Variants in CGNL1 observed in about 807,000 individuals in gnomAD.
CGNL1 encodes the protein cingulin like 1.
In CGNL1, 132 loss-of-function variants were observed where a neutral mutation model predicts 141.2. The ratio of observed to expected loss-of-function variants is 0.93; its 90% CI spans 0.81 to 1.08. The LOEUF is 1.08. Ranked by LOEUF, CGNL1 falls within the 50% of genes least tolerant of loss-of-function variation. The pLI is 0.00. For missense variants in CGNL1, 1,870 were observed against 1,588.6 expected (o/e 1.18, Z -3.01); for synonymous variants, 690 against 622.1 (o/e 1.11, Z -1.63).
At chr15:57,391,902 G>C (rs1020724262) in intron 1 of CGNL1, among the ~76,000 whole-genome samples, 1 of 151,898 alleles carries the variant, frequency 6.6e-6, no homozygotes, top group African/African-American at 2.4e-5. Flanking sequence ...GAACAGAAAA[G>C]ATGCAAATCA....
chr15:57,521,993 C>G (rs2031290409), intron 10 of CGNL1, among the ~76,000 whole-genome samples: 1 of 152,136 alleles, frequency 6.6e-6, no homozygotes, highest in Non-Finnish European at 1.5e-5. Flanking sequence ...CTCACTGGTT[C>G]TATAACTCCT....
At position 57,458,001 on chromosome 15, in the gene CGNL1, C is replaced by T. The variant is rs538425868; in HGVS notation, c.2191-3679C>T. Among the ~76,000 whole-genome samples, 14 of 152,294 alleles carry T rather than the reference C, an allele frequency of 9.2e-5. No individual in the cohort carries two copies. In the East Asian group the frequency reaches 2.7e-3, roughly 29 times the overall value. On this transcript the variant is annotated intron_variant, in intron 7 of 18. Coordinates refer to ENST00000281282, the MANE Select transcript of CGNL1 (RefSeq NM_032866.5). ...GGACCCATCTGGGTCCCATTCTTGA[C>T]TCTACTGCTTATAAGGCTGTGTGGT... is the stretch of plus-strand genomic sequence containing the variant.
chr15:57,383,456 GC>G (rs1251939482), intron 1 of CGNL1, among the ~76,000 whole-genome samples: 1 of 151,554 alleles, frequency 6.6e-6, no homozygotes, highest in African/African-American at 2.4e-5. Context: ...GTGCCACGAC[GC>G]CCGGCTAATT....
chr15:57,545,467 C>G (rs2032804955), intron 16 of CGNL1, 125 bp from the exon 17 acceptor site: 1 of 725,190 alleles, frequency 1.4e-6, no homozygotes, highest in Admixed American at 2.7e-5. Flanking sequence ...GTTGTGTTTC[C>G]CTGACCCTAA....
intron 2 of CGNL1, 102 bp from the exon 3 acceptor site, chr15:57,440,275 G>A: frequency 2.5e-6 from 2 of 799,176 alleles, no homozygotes; most frequent in East Asian, 2.7e-5. Context: ...GGTAAATGTT[G>A]TAACTGGCTC....
At chr15:57,487,589 T>TGAGCAAATA in intron 8 of CGNL1, among the ~76,000 whole-genome samples, 2 of 152,250 alleles carry the variant, frequency 1.3e-5, no homozygotes, top group African/African-American at 4.8e-5. Flanking sequence ...TTTCCTTTTG[T>TGAGCAAATA]TCAGGTTATT....
At chr15:57,388,357 C>G (rs763817871) in intron 1 of CGNL1, among the ~76,000 whole-genome samples, 11 of 152,074 alleles carry the variant, frequency 7.2e-5, no homozygotes, top group Non-Finnish European at 1.5e-4. Flanking sequence ...TTGTGCTGGA[C>G]GAAGACAGGA....
chr15:57,490,937 G>A (rs913621470), intron 8 of CGNL1, among the ~76,000 whole-genome samples: 1 of 152,068 alleles, frequency 6.6e-6, no homozygotes, highest in African/African-American at 2.4e-5. Context: ...GGAACATCCT[G>A]CAAATATACC....
chr15:57,505,502 G>T (rs2064089492), intron 8 of CGNL1, among the ~76,000 whole-genome samples: 1 of 152,160 alleles, frequency 6.6e-6, no homozygotes, highest in African/African-American at 2.4e-5. Context: ...GAGGAACCAG[G>T]GCACTCTGGG....
chr15:57,445,699 C>G lies in CGNL1; in HGVS notation c.1803+3221C>G, dbSNP rs139662151. Among the ~76,000 whole-genome samples the G allele has an allele frequency of 1.3e-3, 198 of 152,302 alleles. 1 individual carries two copies. The highest frequency in any genetic ancestry group is 1.8e-3 in the Admixed American group (28 of 15,300). ...AGTACCTCATTCCAAGTTTATCACA[C>G]ACAACTTGCACCTGGATTCAGGGAT... On this transcript the variant is annotated intron_variant, in intron 4 of 18. Coordinates refer to ENST00000281282, the MANE Select transcript of CGNL1 (RefSeq NM_032866.5).
intron 8 of CGNL1, among the ~76,000 whole-genome samples, chr15:57,473,896 CTTCTTTTT>C (rs1190837747): frequency 1.4e-4 from 15 of 110,080 alleles, no homozygotes; most frequent in Admixed American, 6.4e-4. Flanking sequence ...TCTTCTTCTT[CTTCTTTTT>C]TTTTTTTTTT....
chr15:57,387,500 G>A (rs1292786859), intron 1 of CGNL1, among the ~76,000 whole-genome samples: 1 of 152,180 alleles, frequency 6.6e-6, no homozygotes, highest in East Asian at 1.9e-4. Context: ...GGTTCTTGGT[G>A]CTGGGGAATA....
intron 4 of CGNL1, among the ~76,000 whole-genome samples, chr15:57,449,099 T>G (rs2063291404): frequency 6.6e-6 from 1 of 152,240 alleles, no homozygotes; most frequent in South Asian, 2.1e-4. Context: ...TTGGTTGAGT[T>G]GGAACCCTAG....
intron 1 of CGNL1, among the ~76,000 whole-genome samples, chr15:57,377,998 T>C (rs895715182): frequency 1.9e-4 from 29 of 152,194 alleles, no homozygotes; most frequent in Admixed American, 1.8e-3. Context: ...TGTGTTAACA[T>C]AAGTCCATTT....
At chr15:57,441,326 G>T (rs2063184487) in intron 3 of CGNL1, among the ~76,000 whole-genome samples, 1 of 152,030 alleles carries the variant, frequency 6.6e-6, no homozygotes, top group African/African-American at 2.4e-5. Context: ...ACTTTACCAT[G>T]TTAAGATTAA....
rs112940511 is a variant in CGNL1 at position 57,411,447 on chromosome 15, CT to C, written c.-15-26524del. ...CCACTAGTTTTCTTTTTTTCTTTTT[CT>C]TTTTTTTTTTTTTGAGACAGAGCCT... On this transcript the variant is annotated intron_variant, in intron 1 of 18. Coordinates refer to ENST00000281282, the MANE Select transcript of CGNL1 (RefSeq NM_032866.5). Among the ~76,000 whole-genome samples the C allele has an allele frequency of 5.0e-3, 710 of 142,056 alleles. 4 individuals are homozygous for C. Among genetic ancestry groups the C allele is most frequent in the African/African-American group, 0.014 (528 of 38,862 alleles). The allele number at this position is 142,056 out of a possible 152,430, so 93.2% of individuals were successfully genotyped here.
intron 8 of CGNL1, among the ~76,000 whole-genome samples, chr15:57,489,666 G>A (rs368604368): frequency 3.9e-5 from 6 of 152,146 alleles, no homozygotes; most frequent in Non-Finnish European, 5.9e-5. Flanking sequence ...TTGAAGAGAC[G>A]ATTCTTGCCT....
At chr15:57,545,543 T>G in intron 16 of CGNL1, 49 bp from the exon 17 acceptor site, 1 of 1,549,730 alleles carries the variant, frequency 6.5e-7, no homozygotes, top group Non-Finnish European at 8.8e-7. Flanking sequence ...CTGGGCCCCC[T>G]GCAGGGATGG....
At chr15:57,421,196 C>T (rs2062910837) in intron 1 of CGNL1, among the ~76,000 whole-genome samples, 1 of 152,194 alleles carries the variant, frequency 6.6e-6, no homozygotes, top group Non-Finnish European at 1.5e-5. Flanking sequence ...AGAGAGCCCT[C>T]ACCAGGAACT....
Sources: allele counts gnomAD v4.1 joint callset (sites outside exome capture counted in the v4.1 genomes callset), GRCh38; gene constraint gnomAD v4.1.1; transcripts MANE v1.5; gene names NCBI Gene and HGNC (gene_info 2026-07-23, HGNC 2026-07-21).